Variants in ENOX1 observed in about 807,000 individuals in gnomAD.
The protein encoded by ENOX1 is candidate growth-related and time keeping constitutive hydroquinone (NADH) oxidase.
A neutral mutation model predicts 82.5 loss-of-function variants in ENOX1; 42 were observed. The observed-to-expected ratio is 0.51, with a 90% CI of 0.40 to 0.66. The LOEUF (loss-of-function observed/expected upper bound fraction) is 0.66, where lower values mean the gene tolerates loss of function less well. Ranked by LOEUF, ENOX1 falls within the 30% of genes least tolerant of loss-of-function variation. The pLI is 0.00. For synonymous variants in ENOX1, 271 were observed against 282.2 expected, an observed-to-expected ratio of 0.96 and a Z score of 0.40; for missense variants, 608 against 811.6, an observed-to-expected ratio of 0.75 and a Z score of 3.05.
intron 8 of ENOX1, among the ~76,000 whole-genome samples, chr13:43,350,270 T>C (rs1418533365): frequency 6.6e-6 from 1 of 152,248 alleles, no homozygotes. Flanking sequence ...GTTCATTTTA[T>C]ATTTGTAAGA....
intron 1 of ENOX1, among the ~76,000 whole-genome samples, chr13:43,704,630 G>A (rs2087133282): frequency 2.0e-5 from 3 of 152,176 alleles, no homozygotes; most frequent in Non-Finnish European, 4.4e-5. Flanking sequence ...GGTGGGACTG[G>A]TGATCCACAA....
At chr13:43,567,751 AAGT>A (rs1471592098) in intron 2 of ENOX1, among the ~76,000 whole-genome samples, 2 of 152,286 alleles carry the variant, frequency 1.3e-5, no homozygotes, top group East Asian at 3.9e-4. Context: ...AGAATTTATA[AAGT>A]AGATTTGTAA....
At chr13:43,413,591 A>G (rs1017912214) in intron 3 of ENOX1, among the ~76,000 whole-genome samples, 2 of 151,702 alleles carry the variant, frequency 1.3e-5, no homozygotes, top group Non-Finnish European at 2.9e-5. Flanking sequence ...TTAGGGAGGC[A>G]AAGGAAGAGC....
At chr13:43,411,411 G>A (rs896741251) in intron 5 of ENOX1, among the ~76,000 whole-genome samples, 2 of 152,136 alleles carry the variant, frequency 1.3e-5, no homozygotes, top group Admixed American at 6.5e-5. Flanking sequence ...ATTTCACCAC[G>A]TGGTGGACAG....
intron 1 of ENOX1, among the ~76,000 whole-genome samples, chr13:43,702,647 G>C (rs2086971028): frequency 6.6e-6 from 1 of 152,136 alleles, no homozygotes; most frequent in South Asian, 2.1e-4. Context: ...AATGGGATTA[G>C]AGTTCTTATA....
chr13:43,400,853 G>A (rs2053455300), intron 5 of ENOX1, among the ~76,000 whole-genome samples: 1 of 152,038 alleles, frequency 6.6e-6, no homozygotes, highest in Non-Finnish European at 1.5e-5. Flanking sequence ...GATAGAGCTG[G>A]CCTTAGGCAA....
intron 14 of ENOX1, among the ~76,000 whole-genome samples, chr13:43,257,881 C>A (rs951201357): frequency 1.3e-5 from 2 of 152,188 alleles, no homozygotes; most frequent in African/African-American, 4.8e-5. Context: ...CCATGTCAGA[C>A]CATTTCACAC....
intron 2 of ENOX1, among the ~76,000 whole-genome samples, chr13:43,499,575 C>T (rs772380258): frequency 6.6e-5 from 10 of 152,028 alleles, no homozygotes; most frequent in Admixed American, 1.3e-4. Flanking sequence ...TGTCAAATGT[C>T]CTGCCCAGAA....
chr13:43,635,272 G>A (rs1229468157), intron 2 of ENOX1, among the ~76,000 whole-genome samples: 3 of 152,202 alleles, frequency 2.0e-5, no homozygotes, highest in African/African-American at 4.8e-5. Context: ...ATTCAGCTTA[G>A]TTTTATTCAG....
intron 16 of ENOX1, among the ~76,000 whole-genome samples, chr13:43,219,208 A>G (rs2041655169): frequency 6.6e-6 from 1 of 152,222 alleles, no homozygotes; most frequent in African/African-American, 2.4e-5. Context: ...GTGAAGGGGT[A>G]GAACTTGGAG....
At chr13:43,780,077 C>T (rs1408251578) in intron 1 of ENOX1, among the ~76,000 whole-genome samples, 1 of 151,376 alleles carries the variant, frequency 6.6e-6, no homozygotes, top group Non-Finnish European at 1.5e-5. Context: ...AGGAGAATGG[C>T]GTGAACCCGG....
chr13:43,681,862 G>C (rs928817553), intron 1 of ENOX1, among the ~76,000 whole-genome samples: 3 of 152,046 alleles, frequency 2.0e-5, no homozygotes, highest in Non-Finnish European at 2.9e-5. Context: ...TTCCAAAGGA[G>C]GAACAAGTTT....
At chr13:43,359,741 C>G (rs551152060) in intron 7 of ENOX1, 110 bp downstream of exon 7, 1 of 1,053,950 alleles carries the variant, frequency 9.5e-7, no homozygotes, top group African/African-American at 1.6e-5. Flanking sequence ...CTTTTCCAGC[C>G]CCAAACTATG....
chr13:43,728,813 G>GA (rs1410143444), intron 1 of ENOX1, among the ~76,000 whole-genome samples: 3 of 152,282 alleles, frequency 2.0e-5, no homozygotes, highest in African/African-American at 4.8e-5. Context: ...ACAAGCTGGA[G>GA]AAAAAATTGA....
chr13:43,316,805 C>T (rs1413984978), intron 11 of ENOX1, among the ~76,000 whole-genome samples: 1 of 151,924 alleles, frequency 6.6e-6, no homozygotes, highest in Non-Finnish European at 1.5e-5. Context: ...AACAGGAAAG[C>T]CTTGGCTCCT....
intron 1 of ENOX1, among the ~76,000 whole-genome samples, chr13:43,754,456 C>T (rs1482524690): frequency 6.6e-6 from 1 of 151,422 alleles, no homozygotes; most frequent in African/African-American, 2.4e-5. Flanking sequence ...TCACAGCTTC[C>T]CAAGCAGCTG....
chr13:43,421,644 T>C (rs1179753128), intron 3 of ENOX1, among the ~76,000 whole-genome samples: 3 of 152,154 alleles, frequency 2.0e-5, no homozygotes, highest in Non-Finnish European at 4.4e-5. Context: ...ATATATACTC[T>C]TTCTCCCATG....
chr13:43,591,113 T>C (rs2081228432), intron 2 of ENOX1, among the ~76,000 whole-genome samples: 1 of 152,210 alleles, frequency 6.6e-6, no homozygotes, highest in Non-Finnish European at 1.5e-5. Context: ...CATTGGCTAA[T>C]TATTTCAATG....
intron 2 of ENOX1, among the ~76,000 whole-genome samples, chr13:43,634,956 G>T (rs1218114547): frequency 6.6e-6 from 1 of 152,182 alleles, no homozygotes; most frequent in Non-Finnish European, 1.5e-5. Context: ...CAGGCATGGT[G>T]GCTCTCCAGG....
Sources: allele counts gnomAD v4.1 joint callset (sites outside exome capture counted in the v4.1 genomes callset), GRCh38; gene constraint gnomAD v4.1.1; transcripts MANE v1.5; gene names NCBI Gene and HGNC (gene_info 2026-07-23, HGNC 2026-07-21).